THRA: variants seen among roughly 807,000 people sequenced by gnomAD.
The protein encoded by THRA is thyroid hormone receptor alpha.
In THRA, 13 loss-of-function variants were observed where a neutral mutation model predicts 45.0. The observed-to-expected ratio is 0.29, with a 90% confidence interval of 0.19 to 0.46. The LOEUF is 0.46. THRA is among the 20% of genes least tolerant of loss of function. The pLI, the probability that THRA is intolerant of heterozygous loss-of-function variation, is 1.00. For missense variants in THRA, 278 were observed against 556.1 expected, an observed-to-expected ratio of 0.50 and a Z score of 5.03; for synonymous variants, 195 against 214.0, an observed-to-expected ratio of 0.91 and a Z score of 0.78.
chr17:40,081,927 C>T (rs1174867835), intron 4 of THRA, among the ~76,000 whole-genome samples: 1 of 151,734 alleles, frequency 6.6e-6, no homozygotes, highest in Non-Finnish European at 1.5e-5. Flanking sequence ...CACACCACTG[C>T]ACTCCAGCCT....
intron 2 of THRA, among the ~76,000 whole-genome samples, chr17:40,075,081 C>A (rs1422391966): frequency 6.6e-6 from 1 of 152,276 alleles, no homozygotes; most frequent in African/African-American, 2.4e-5. Context: ...GATGGGGCTC[C>A]TCCCAGAAAG....
At position 40,092,310 on chromosome 17, in the gene THRA, C is replaced by T. The variant is rs1987600669; in HGVS notation, c.*2854C>T. On this transcript the variant is annotated 3_prime_UTR_variant, in exon 9 of 9. Transcript: ENST00000450525. ...AGGACAGTAACTCCTGCCCTGGGAA[C>T]TCCTGGGCGGGGGGGAGGGGGACAC... 1 of 133,992 alleles carries T rather than the reference C, an allele frequency of 7.5e-6. No individual in the cohort carries two copies. Among genetic ancestry groups the T allele is most frequent in the South Asian group, 2.6e-4 (1 of 3,894 alleles). The allele number at this position is 133,992 out of a possible 1,614,324, so 8.3% of individuals were successfully genotyped here.
intron 1 of THRA, among the ~76,000 whole-genome samples, chr17:40,063,364 C>T (rs1023403774): frequency 8.5e-5 from 13 of 152,152 alleles, no homozygotes; most frequent in South Asian, 2.1e-4. Flanking sequence ...CTGGAGGGCC[C>T]GCCCGGCCTC....
chr17:40,067,193 C>T (rs1189222883), intron 1 of THRA, among the ~76,000 whole-genome samples: 1 of 151,984 alleles, frequency 6.6e-6, no homozygotes. Context: ...CTGCCCCACC[C>T]TCCTTTGACC....
chr17:40,087,541 G>A (rs544845044), intron 7 of THRA, among the ~76,000 whole-genome samples: 4 of 152,166 alleles, frequency 2.6e-5, no homozygotes, highest in Admixed American at 6.5e-5. Context: ...GAAATCAGCC[G>A]GCTCCAAGTG....
intron 1 of THRA, among the ~76,000 whole-genome samples, chr17:40,066,636 A>C (rs9906809): frequency 0.37 from 54,476 of 147,060 alleles, 12,661 homozygotes; most frequent in African/African-American, 0.66. Context: ...TGCACTACAG[A>C]CTGGGTGACA....
downstream of THRA, chr17:40,093,681 C>T: frequency 1.6e-6 from 1 of 634,446 alleles, no homozygotes. This position sits in a 1 kb window ranked among gnomAD's most constrained non-coding sequence, Gnocchi z 5.9. Context: ...CTCCCCCAGG[C>T]AGAAATAGTT....
rs1297422624 is a variant in THRA at position 40,092,857 on chromosome 17, G to A, written c.*3401G>A. ...AATCAGAGGGCCAGGGGAGGGTTGT[G>A]GGGGAGACAGAGTGGTTTAAATAGG... On this transcript the variant is annotated 3_prime_UTR_variant, in exon 9 of 9. Coordinates refer to ENST00000450525, the MANE Select transcript of THRA (RefSeq NM_199334.5). 1 of 998,612 alleles carries A rather than the reference G, an allele frequency of 1.0e-6. No homozygotes were observed. The highest frequency in any genetic ancestry group is 1.8e-5 in the South Asian group (1 of 57,026). The allele number at this position is 998,612 out of a possible 1,614,324, so 61.9% of individuals were successfully genotyped here.
rs114095306 is a variant in THRA at position 40,066,142 on chromosome 17, G to A, written c.-298+3050G>A. Among the ~76,000 whole-genome samples the A allele has an allele frequency of 5.2e-3, 786 of 152,306 alleles. 5 individuals are homozygous for A. Among genetic ancestry groups the A allele is most frequent in the African/African-American group, 0.017 (709 of 41,566 alleles). ...TGTACTAAGCGAGGCCCTCCCACCCGTGAGTGCAGGTTCCAGCCTAGAAGG... is the reference window on the plus strand; with the variant it reads ...TGTACTAAGCGAGGCCCTCCCACCCATGAGTGCAGGTTCCAGCCTAGAAGG... On this transcript the variant is annotated intron_variant, in intron 1 of 8. Coordinates refer to ENST00000450525, the MANE Select transcript of THRA (RefSeq NM_199334.5).
In THRA at chr17:40,074,310, C is replaced by A; in HGVS notation, c.-179C>A. The A allele has an allele frequency of 1.5e-6, 1 of 668,484 alleles. No individual in the cohort carries two copies. The highest frequency in any genetic ancestry group is 2.6e-6 in the Non-Finnish European group (1 of 390,886). 41.4% of individuals were successfully genotyped at this position (668,484 alleles called of 1,614,324 possible). Reference sequence around the variant, plus strand: ...ACTCCCTGGCCCCTCCCACCGCCCGCCCCCCTTGGGGCGCAGGGCATGGTG... The same window carrying A: ...ACTCCCTGGCCCCTCCCACCGCCCGACCCCCTTGGGGCGCAGGGCATGGTG... On this transcript the variant is annotated 5_prime_UTR_variant, in exon 2 of 9. Transcript: ENST00000450525.
At chr17:40,083,017 T>C (rs1207500506) in intron 4 of THRA, among the ~76,000 whole-genome samples, 9 of 150,694 alleles carry the variant, frequency 6.0e-5, no homozygotes, top group African/African-American at 2.2e-4. Context: ...AAGCTCCACC[T>C]CCTGGGTTCA....
intron 1 of THRA, among the ~76,000 whole-genome samples, chr17:40,065,959 T>C (rs1362170056): frequency 6.6e-6 from 1 of 152,220 alleles, no homozygotes; most frequent in Non-Finnish European, 1.5e-5. Context: ...TGGCGGGAGC[T>C]GGCAGGACCC....
Position 40,089,600 on chromosome 17 carries a change from C to A in THRA, c.*144C>A. Reference sequence around the variant, plus strand: ...ATAGATTCAGCTCCCACACACACACCCGCACTGCCCAGGTCCCTCCTCAGA... The same window carrying A: ...ATAGATTCAGCTCCCACACACACACACGCACTGCCCAGGTCCCTCCTCAGA... On this transcript the variant is annotated 3_prime_UTR_variant, in exon 9 of 9. Coordinates refer to ENST00000450525, the MANE Select transcript of THRA (RefSeq NM_199334.5). This position sits in a 1 kb window ranked among gnomAD's most constrained non-coding sequence, Gnocchi z 6.1. 1 of 1,447,880 alleles carries A rather than the reference C, an allele frequency of 6.9e-7. No individual in the cohort carries two copies. The highest frequency in any genetic ancestry group is 9.0e-7 in the Non-Finnish European group (1 of 1,106,180). 89.7% of individuals were successfully genotyped at this position (1,447,880 alleles called of 1,614,324 possible).
In THRA at chr17:40,089,212, C is replaced by A. The variant is rs377008025; in HGVS notation, c.989C>A (p.Ser330Ter). The stretch of plus-strand genomic sequence containing the variant: ...CGCCCCTCTTCCCTCACAGACCGCT[C>A]GGGCCTGCTGTGTGTGGACAAGATC... ...QAVLLMSTDR[S>*]GLLCVDKIEK... The change falls in exon 9 of 9, where the codon TCG becomes TAG. Residue 330 changes from serine (S) to a stop codon, truncating the protein, a stop_gained. Transcript: ENST00000450525. LOFTEE classifies it high-confidence loss of function. The surrounding 1 kb of genome is among the most constrained non-coding windows in gnomAD (Gnocchi z 6.1). 1.2e-6 allele frequency: 2 copies of A among 1,613,722 alleles called. No individual in the cohort carries two copies. Among genetic ancestry groups the A allele is most frequent in the Non-Finnish European group, 1.7e-6 (2 of 1,179,978 alleles).
intron 4 of THRA, 70 bp downstream of exon 4, chr17:40,077,678 C>A: frequency 7.8e-7 from 1 of 1,277,256 alleles, no homozygotes; most frequent in Non-Finnish European, 1.1e-6. Context: ...TCACCTAAAG[C>A]CCGCCTGTTA....
At chr17:40,064,311 A>G (rs1291476106) in intron 1 of THRA, among the ~76,000 whole-genome samples, 1 of 152,204 alleles carries the variant, frequency 6.6e-6, no homozygotes, top group Non-Finnish European at 1.5e-5. Context: ...ACCCACACAT[A>G]AAAAGTCACT....
chr17:40,071,032 C>T (rs1180561813), intron 1 of THRA, among the ~76,000 whole-genome samples: 1 of 151,932 alleles, frequency 6.6e-6, no homozygotes, highest in Non-Finnish European at 1.5e-5. Context: ...AGCTCTACCC[C>T]AGCCCTGTCC....
chr17:40,078,046 C>T (rs1190214024), intron 4 of THRA, among the ~76,000 whole-genome samples: 1 of 152,180 alleles, frequency 6.6e-6, no homozygotes. Flanking sequence ...TCCTCCTCTG[C>T]CACTCACAGG....
At chr17:40,069,468 G>T (rs1336926801) in intron 1 of THRA, among the ~76,000 whole-genome samples, 2 of 152,098 alleles carry the variant, frequency 1.3e-5, no homozygotes, top group Middle Eastern at 3.4e-3. Context: ...AGATGAGGGA[G>T]TGAGGAGGGA....
Sources: allele counts gnomAD v4.1 joint callset (sites outside exome capture counted in the v4.1 genomes callset), GRCh38; gene constraint gnomAD v4.1.1; non-coding constraint Gnocchi (gnomAD v3.1); transcripts MANE v1.5; gene names NCBI Gene and HGNC (gene_info 2026-07-23, HGNC 2026-07-21).